The following ADAMTS17 variants were observed in gnomAD, a reference collection of about 807,000 sequenced individuals.
ADAMTS17 encodes the protein ADAM metallopeptidase with thrombospondin type 1 motif 17, also known as A disintegrin and metalloproteinase with thrombospondin motifs 17.
In ADAMTS17, 113 loss-of-function variants were observed where a neutral mutation model predicts 141.5. The ratio of observed to expected loss-of-function variants is 0.80; its 90% CI spans 0.69 to 0.93. The LOEUF (loss-of-function observed/expected upper bound fraction) is 0.93, where lower values mean the gene tolerates loss of function less well. Ranked by LOEUF, ADAMTS17 falls within the 40% of genes least tolerant of loss-of-function variation. ADAMTS17 has a pLI of 0.00. For missense variants in ADAMTS17, 1,659 were observed against 1,517.9 expected (o/e 1.09, Z -1.54); for synonymous variants, 768 against 630.6 (o/e 1.22, Z -3.27).
chr15:100,229,558 C>G (rs79338973), intron 7 of ADAMTS17, among the ~76,000 whole-genome samples: 2,193 of 152,280 alleles, frequency 0.014, 23 homozygotes, highest in Middle Eastern at 0.041. Context: ...CACAGCAAGG[C>G]TGGTCCCGCT....
chr15:100,065,948 TC>T (rs1330150932), intron 15 of ADAMTS17, among the ~76,000 whole-genome samples: 1 of 152,204 alleles, frequency 6.6e-6, no homozygotes, highest in African/African-American at 2.4e-5. Flanking sequence ...ATTGTTCAAC[TC>T]CCACTTATGA....
chr15:100,197,966 T>C (rs917412704), intron 8 of ADAMTS17, among the ~76,000 whole-genome samples: 19 of 151,318 alleles, frequency 1.3e-4, no homozygotes, highest in African/African-American at 2.9e-4. Flanking sequence ...TAAGTGGGAG[T>C]TGAACAATGA....
At position 100,220,771 on chromosome 15, in the gene ADAMTS17, C is replaced by T. The variant is rs557563210; in HGVS notation, c.1076-21348G>A. On this transcript the variant is annotated intron_variant, in intron 7 of 21. Coordinates refer to ENST00000268070, the MANE Select transcript of ADAMTS17 (RefSeq NM_139057.4). The stretch of plus-strand genomic sequence containing the variant: ...TCACCTAATGGAATCACACGATATG[C>T]GGCCTTTTGTGACTGGCTTCTTTCA... Among the ~76,000 whole-genome samples, 5 of 152,308 alleles carry T rather than the reference C, an allele frequency of 3.3e-5. No homozygotes were observed. The East Asian group carries it at 7.7e-4, about 23-fold the overall frequency.
At chr15:99,987,049 T>A (rs1428561652) in intron 20 of ADAMTS17, among the ~76,000 whole-genome samples, 1 of 152,126 alleles carries the variant, frequency 6.6e-6, no homozygotes. Flanking sequence ...CCATCTTCCC[T>A]AGGGGCCTGC....
chr15:100,116,545 C>T (rs141973387), intron 13 of ADAMTS17, among the ~76,000 whole-genome samples: 1 of 152,386 alleles, frequency 6.6e-6, no homozygotes, highest in East Asian at 1.9e-4. Context: ...GTCCTGGGTC[C>T]CTCCACACAT....
Position 99,972,846 on chromosome 15 carries a change from G to C in ADAMTS17, c.*1556C>G, listed in dbSNP as rs561218386. 1 of 152,326 alleles carries C rather than the reference G, an allele frequency of 6.6e-6. No homozygotes were observed. Among genetic ancestry groups the C allele is most frequent in the East Asian group, 1.9e-4 (1 of 5,186 alleles). 9.4% of individuals were successfully genotyped at this position (152,326 alleles called of 1,614,324 possible). On this transcript the variant is annotated 3_prime_UTR_variant, in exon 22 of 22. Coordinates refer to ENST00000268070, the MANE Select transcript of ADAMTS17 (RefSeq NM_139057.4). ...GCAGAGAGGCTTCTTTCTGATTTAA[G>C]CTAACTCTACGGTTGTGACATGTAA... is the stretch of plus-strand genomic sequence containing the variant.
At chr15:100,013,904 G>T (rs1209370657) in intron 18 of ADAMTS17, among the ~76,000 whole-genome samples, 1 of 152,218 alleles carries the variant, frequency 6.6e-6, no homozygotes, top group African/African-American at 2.4e-5. Flanking sequence ...TTCATAGAAT[G>T]AATGAGGGAG....
chr15:100,011,770 T>C (rs1375534760), intron 18 of ADAMTS17, among the ~76,000 whole-genome samples: 2 of 152,252 alleles, frequency 1.3e-5, no homozygotes, highest in African/African-American at 4.8e-5. Context: ...CATATAAATA[T>C]ACCACAGTCT....
intron 18 of ADAMTS17, among the ~76,000 whole-genome samples, chr15:100,024,004 T>C (rs745840907): frequency 2.0e-5 from 3 of 152,250 alleles, no homozygotes; most frequent in Non-Finnish European, 4.4e-5. Context: ...TTGATGTTGA[T>C]GTCATACCAC....
intron 7 of ADAMTS17, among the ~76,000 whole-genome samples, chr15:100,239,084 C>T (rs952519720): frequency 3.3e-5 from 5 of 152,118 alleles, no homozygotes; most frequent in Non-Finnish European, 7.4e-5. Flanking sequence ...AGCGAGACTC[C>T]GTCTCAAAAA....
chr15:100,132,943 A>G (rs1388588892), intron 11 of ADAMTS17, among the ~76,000 whole-genome samples: 1 of 152,222 alleles, frequency 6.6e-6, no homozygotes, highest in Non-Finnish European at 1.5e-5. Flanking sequence ...TACTGGTGAA[A>G]GTGTTCCTTT....
At chr15:100,218,421 T>C (rs2042033872) in intron 7 of ADAMTS17, among the ~76,000 whole-genome samples, 1 of 152,206 alleles carries the variant, frequency 6.6e-6, no homozygotes. Context: ...AATGGGCAAA[T>C]GATCTAAATA....
chr15:100,095,844 T>G (rs2035722387), intron 15 of ADAMTS17, among the ~76,000 whole-genome samples: 1 of 152,230 alleles, frequency 6.6e-6, no homozygotes, highest in Non-Finnish European at 1.5e-5. Flanking sequence ...AAGGAATGTC[T>G]GCCCCTGGGG....
chr15:100,056,600 G>A (rs1342148629), intron 15 of ADAMTS17, among the ~76,000 whole-genome samples: 1 of 152,146 alleles, frequency 6.6e-6, no homozygotes, highest in Non-Finnish European at 1.5e-5. Context: ...CTTCTGATCT[G>A]ACAGGAGGCG....
In ADAMTS17 at chr15:100,318,274, G is replaced by C. The variant is rs532925515; in HGVS notation, c.616+12615C>G. On this transcript the variant is annotated intron_variant, in intron 3 of 21. Transcript: ENST00000268070. Reference sequence around the variant, plus strand: ...ATTTACCAGACAAAATCTAACACCCGCCCCCCCTTATAGTTTTTTAATACC... The same window carrying C: ...ATTTACCAGACAAAATCTAACACCCCCCCCCCCTTATAGTTTTTTAATACC... Among the ~76,000 whole-genome samples the C allele has an allele frequency of 8.2e-4, 107 of 130,712 alleles. No homozygotes were observed. In the Admixed American group the frequency reaches 0.01, roughly 12 times the overall value. The allele number at this position is 130,712 out of a possible 152,430, so 85.8% of individuals were successfully genotyped here.
At chr15:100,249,062 G>A (rs530601214) in intron 7 of ADAMTS17, among the ~76,000 whole-genome samples, 1 of 152,170 alleles carries the variant, frequency 6.6e-6, no homozygotes, top group South Asian at 2.1e-4. Context: ...GCCTCCCAAA[G>A]TGATGGGATT....
At chr15:100,232,222 T>G (rs140574345) in intron 7 of ADAMTS17, among the ~76,000 whole-genome samples, 291 of 152,334 alleles carry the variant, frequency 1.9e-3, no homozygotes, top group African/African-American at 6.7e-3. Context: ...TCACCAGAAC[T>G]AGGCTAACCC....
intron 15 of ADAMTS17, among the ~76,000 whole-genome samples, chr15:100,077,887 T>C (rs1463441952): frequency 6.6e-6 from 1 of 152,210 alleles, no homozygotes; most frequent in Non-Finnish European, 1.5e-5. Flanking sequence ...AAAAAACCTA[T>C]ATGACAGATT....
chr15:99,992,090 G>C (rs575410773), intron 20 of ADAMTS17, among the ~76,000 whole-genome samples: 2 of 152,104 alleles, frequency 1.3e-5, no homozygotes, highest in Non-Finnish European at 2.9e-5. Context: ...TTAAAACCTA[G>C]ATGATGGGTT....
Sources: allele counts gnomAD v4.1 joint callset (sites outside exome capture counted in the v4.1 genomes callset), GRCh38; gene constraint gnomAD v4.1.1; transcripts MANE v1.5; gene names NCBI Gene and HGNC (gene_info 2026-07-23, HGNC 2026-07-21).